Variants in TEX14 observed in about 807,000 individuals in gnomAD.
The protein encoded by TEX14 is testis expressed 14, intercellular bridge forming factor, also known as inactive serine/threonine-protein kinase TEX14.
TEX14 carries 168 observed loss-of-function variants against 178.6 expected under a neutral mutation model. The ratio of observed to expected loss-of-function variants is 0.94; its 90% CI spans 0.83 to 1.07. The LOEUF (loss-of-function observed/expected upper bound fraction) is 1.07, where lower values mean the gene tolerates loss of function less well. Ranked by LOEUF, TEX14 falls within the 50% of genes least tolerant of loss-of-function variation. TEX14 has a pLI of 0.00. For synonymous variants in TEX14, 626 were observed against 634.1 expected, an observed-to-expected ratio of 0.99 and a Z score of 0.19; for missense variants, 1,730 against 1,753.6, an observed-to-expected ratio of 0.99 and a Z score of 0.24.
intron 21 of TEX14, 46 bp downstream of exon 21, chr17:58,577,329 T>C (rs1267542): frequency 0.38 from 286,215 of 750,598 alleles, 56,390 homozygotes; most frequent in Admixed American, 0.54. Flanking sequence ...CCATTTAACA[T>C]TGCATCTATG....
chr17:58,645,248 A>C (rs2046676730), intron 2 of TEX14, among the ~76,000 whole-genome samples: 1 of 152,106 alleles, frequency 6.6e-6, no homozygotes, highest in African/African-American at 2.4e-5. Flanking sequence ...TTGACCTCCC[A>C]AACTGCTGGG....
intron 2 of TEX14, among the ~76,000 whole-genome samples, chr17:58,644,733 C>G (rs561753047): frequency 5.3e-5 from 8 of 150,168 alleles, no homozygotes; most frequent in Admixed American, 1.3e-4. Flanking sequence ...CCTCCGCCCC[C>G]CCTGGTTCAA....
At chr17:58,674,635 A>G (rs1029438752) in intron 1 of TEX14, among the ~76,000 whole-genome samples, 17 of 152,124 alleles carry the variant, frequency 1.1e-4, no homozygotes, top group African/African-American at 4.1e-4. Context: ...CTGCCCCTGC[A>G]CTCCAGCCTG....
Position 58,556,749 on chromosome 17 carries a change from C to A in TEX14, c.*262G>T. The A allele has an allele frequency of 2.4e-6, 1 of 422,648 alleles. No homozygotes were observed. The highest frequency in any genetic ancestry group is 4.2e-6 in the Non-Finnish European group (1 of 238,554). The allele number at this position is 422,648 out of a possible 1,614,324, so 26.2% of individuals were successfully genotyped here. A position where few individuals can be genotyped will look rare whatever the true frequency, so the allele number is the denominator to read the frequency against. Reference sequence around the variant, plus strand: ...TTTTGAAAATTAACATCAACAAAACCAAAGCCATTCTAGGCACAACCAAAA... The same window carrying A: ...TTTTGAAAATTAACATCAACAAAACAAAAGCCATTCTAGGCACAACCAAAA... On this transcript the variant is annotated 3_prime_UTR_variant, in exon 32 of 32. Transcript: ENST00000349033.
chr17:58,687,206 T>C (rs894768310), intron 1 of TEX14, among the ~76,000 whole-genome samples: 1 of 152,108 alleles, frequency 6.6e-6, no homozygotes, highest in East Asian at 1.9e-4. Flanking sequence ...GGTTATCCAC[T>C]GCGACATCTA....
intron 1 of TEX14, among the ~76,000 whole-genome samples, chr17:58,654,050 C>T (rs552668154): frequency 6.6e-6 from 1 of 152,056 alleles, no homozygotes; most frequent in South Asian, 2.1e-4. Flanking sequence ...TGGTGGCGGG[C>T]GCCTGTAGTC....
At chr17:58,580,267 A>ATT (rs2044779102) in intron 19 of TEX14, among the ~76,000 whole-genome samples, 1 of 152,082 alleles carries the variant, frequency 6.6e-6, no homozygotes, top group African/African-American at 2.4e-5. Flanking sequence ...TCAGCCTCCT[A>ATT]AAGTGTTGTG....
At chr17:58,613,199 CAA>C (rs917433122) in intron 9 of TEX14, among the ~76,000 whole-genome samples, 4 of 135,638 alleles carry the variant, frequency 2.9e-5, no homozygotes, top group Non-Finnish European at 4.8e-5. Flanking sequence ...GACTCTGTCT[CAA>C]AAAAAAAAAA....
chr17:58,567,317 T>C (rs1011663611), intron 26 of TEX14, among the ~76,000 whole-genome samples: 1 of 152,194 alleles, frequency 6.6e-6, no homozygotes, highest in Non-Finnish European at 1.5e-5. Context: ...CAAGCCACCC[T>C]GAGCTCGTTG....
chr17:58,605,088 A>G lies in TEX14; in HGVS notation c.1226T>C (p.Leu409Pro), dbSNP rs1205955318. 6.2e-7 allele frequency: 1 copy of G among 1,614,210 alleles called. No homozygotes were observed. The highest frequency in any genetic ancestry group is 8.5e-7 in the Non-Finnish European group (1 of 1,180,024). Residue 409 changes from leucine to proline, a missense_variant, in exon 11 of 32, where the codon CTT (leucine) becomes CCT (proline). Leu to Pro is a moderately conservative substitution (Grantham distance 98). Coordinates refer to ENST00000349033, the MANE Select transcript of TEX14 (RefSeq NM_031272.5). ...GGCCCAGTTGTATAGCTGCGTAGGA[A>G]GGGGCACTCGAGTCAGGTCCCTCTG... Reference protein sequence around the residue: ...GVQRDLTRVPLPTQLYNWAAP... With the variant: ...GVQRDLTRVPPPTQLYNWAAP...
intron 1 of TEX14, among the ~76,000 whole-genome samples, chr17:58,674,563 G>A (rs763384915): frequency 6.6e-6 from 1 of 151,280 alleles, no homozygotes; most frequent in African/African-American, 2.4e-5. Context: ...CCAGCTACTC[G>A]AGACGGAGAG....
chr17:58,686,020 C>G (rs1303996206), intron 1 of TEX14, among the ~76,000 whole-genome samples: 1 of 126,954 alleles, frequency 7.9e-6, no homozygotes, highest in Non-Finnish European at 1.7e-5. Context: ...AAAAAAAGAT[C>G]AAAATAAGGA....
At chr17:58,600,453 T>C (rs2045404093) in intron 13 of TEX14, among the ~76,000 whole-genome samples, 1 of 151,398 alleles carries the variant, frequency 6.6e-6, no homozygotes. Flanking sequence ...CTCAGCTACT[T>C]GGGAGGCTGA....
chr17:58,604,194 C>T (rs556565830), intron 11 of TEX14, among the ~76,000 whole-genome samples: 45 of 151,718 alleles, frequency 3.0e-4, no homozygotes, highest in African/African-American at 1.0e-3. Context: ...TTGCTTCGGC[C>T]GGGCGTGGTG....
chr17:58,588,244 C>T (rs2045030907), intron 15 of TEX14, among the ~76,000 whole-genome samples: 1 of 152,112 alleles, frequency 6.6e-6, no homozygotes. Flanking sequence ...CTGCTCCTGC[C>T]CGTCCATCAG....
At chr17:58,574,869 G>T (rs1298449375) in intron 21 of TEX14, among the ~76,000 whole-genome samples, 1 of 151,966 alleles carries the variant, frequency 6.6e-6, no homozygotes, top group East Asian at 1.9e-4. Context: ...ACAGAGCACA[G>T]GAACTTTGCT....
chr17:58,600,087 T>C (rs1201340320), intron 13 of TEX14, among the ~76,000 whole-genome samples: 3 of 152,146 alleles, frequency 2.0e-5, no homozygotes, highest in Non-Finnish European at 2.9e-5. Context: ...CCCGTCTCAC[T>C]CTCCCAAAGT....
chr17:58,659,210 CG>C (rs762830386), intron 1 of TEX14: 174 of 304,604 alleles, frequency 5.7e-4, no homozygotes, highest in Non-Finnish European at 7.8e-4. Context: ...TTTTCTCATT[CG>C]GGGAAATCGC....
chr17:58,563,658 TAGAGAGAGAG>T lies in TEX14; in HGVS notation c.4064+1201_4064+1210del, dbSNP rs1180956521. On this transcript the variant is annotated intron_variant, in intron 28 of 31. Transcript: ENST00000349033. The stretch of plus-strand genomic sequence containing the variant: ...ATATATATATATATATATATATATA[TAGAGAGAGAG>T]AGAGAGAGAGAGAGAGAGAGAGAGA... Among the ~76,000 whole-genome samples, 141 of 17,354 alleles carry T rather than the reference TAGAGAGAGAG, an allele frequency of 8.1e-3. 1 individual carries two copies. Among genetic ancestry groups the T allele is most frequent in the South Asian group, 0.029 (10 of 342 alleles). The allele number at this position is 17,354 out of a possible 152,430, so 11.4% of individuals were successfully genotyped here. A position where few individuals can be genotyped will look rare whatever the true frequency, so the allele number is the denominator to read the frequency against.
Sources: gnomAD v4.1 joint callset for allele counts (sites outside exome capture counted in the v4.1 genomes callset) on GRCh38, gnomAD v4.1.1 for gene constraint, MANE v1.5 for transcripts, NCBI Gene and HGNC (gene_info 2026-07-23, HGNC 2026-07-21) for gene names.